The following PACRG variants were observed in gnomAD, a reference collection of about 807,000 sequenced individuals.
PACRG encodes the protein parkin coregulated, also known as parkin coregulated gene protein.
In PACRG, 29 loss-of-function variants were observed where a neutral mutation model predicts 29.7. The observed-to-expected ratio is 0.98, with a 90% CI of 0.73 to 1.33. PACRG has a LOEUF of 1.33. PACRG is among the 40% of genes most tolerant of loss of function. PACRG has a pLI of 0.00. For synonymous variants in PACRG, 116 were observed against 118.7 expected (o/e 0.98, Z 0.15); for missense variants, 279 against 316.2 (o/e 0.88, Z 0.89).
At chr6:163,202,769 C>T (rs1780759423) in intron 4 of PACRG, among the ~76,000 whole-genome samples, 1 of 152,182 alleles carries the variant, frequency 6.6e-6, no homozygotes, top group African/African-American at 2.4e-5. Flanking sequence ...GCCTAAATCT[C>T]ATGAATAACT....
At chr6:163,051,831 G>A (rs755195776) in intron 2 of PACRG, 1 of 152,148 alleles carries the variant, frequency 6.6e-6, no homozygotes, top group Non-Finnish European at 1.5e-5. Context: ...GATTTCCTGA[G>A]CTCAGCTTTG....
chr6:162,862,365 C>T (rs911996231), intron 2 of PACRG, among the ~76,000 whole-genome samples: 1 of 152,170 alleles, frequency 6.6e-6, no homozygotes, highest in Non-Finnish European at 1.5e-5. Flanking sequence ...CCTGTATACT[C>T]TGTGGTGGGG....
chr6:163,140,185 A>G, intron 4 of PACRG, among the ~76,000 whole-genome samples: 1 of 152,232 alleles, frequency 6.6e-6, no homozygotes. Flanking sequence ...ATGATGGATA[A>G]ACCATTGCGA....
chr6:163,260,607 C>T (rs969250196), intron 4 of PACRG, among the ~76,000 whole-genome samples: 4 of 152,146 alleles, frequency 2.6e-5, no homozygotes, highest in Non-Finnish European at 5.9e-5. Context: ...TCTTCTGAGG[C>T]TGGGAGTGGG....
chr6:163,003,356 C>G (rs1335277200), intron 2 of PACRG, among the ~76,000 whole-genome samples: 1 of 152,146 alleles, frequency 6.6e-6, no homozygotes, highest in Non-Finnish European at 1.5e-5. Context: ...ACTTTACTTG[C>G]ATAATTCCTG....
intron 4 of PACRG, among the ~76,000 whole-genome samples, chr6:163,172,791 A>T (rs1001210032): frequency 2.6e-5 from 4 of 152,238 alleles, no homozygotes; most frequent in African/African-American, 9.6e-5. Context: ...TTAAAATATT[A>T]AAAAACTTGA....
intron 2 of PACRG, among the ~76,000 whole-genome samples, chr6:162,906,015 A>T (rs1795907523): frequency 6.6e-6 from 1 of 152,148 alleles, no homozygotes; most frequent in South Asian, 2.1e-4. Context: ...CGAAGTTAGA[A>T]TTTGTTAAGA....
chr6:162,905,937 G>A (rs1227993305), intron 2 of PACRG, among the ~76,000 whole-genome samples: 3 of 152,132 alleles, frequency 2.0e-5, no homozygotes, highest in Non-Finnish European at 2.9e-5. Context: ...CCCTAACCAC[G>A]AGGACTATAG....
chr6:162,859,394 C>A (rs1452430821), intron 2 of PACRG, among the ~76,000 whole-genome samples: 11 of 152,076 alleles, frequency 7.2e-5, no homozygotes, highest in Non-Finnish European at 1.3e-4. Flanking sequence ...ATACATGAAC[C>A]CAAAGGAACT....
chr6:162,769,575 A>G (rs929561595), intron 1 of PACRG, among the ~76,000 whole-genome samples: 1 of 152,044 alleles, frequency 6.6e-6, no homozygotes, highest in Non-Finnish European at 1.5e-5. Flanking sequence ...ATATGCCATG[A>G]TGATCCAGAG....
At position 163,207,956 on chromosome 6, in the gene PACRG, A is replaced by G. The variant is rs139449063; in HGVS notation, c.614-106871A>G. Among the ~76,000 whole-genome samples the G allele has an allele frequency of 1.6e-4, 25 of 152,348 alleles. No individual in the cohort carries two copies. In the East Asian group the frequency reaches 4.8e-3, roughly 29 times the overall value. ...GGATACCATATGGATGTCGCTGAGA[A>G]GGAGTGGGGACTTGGGCAGCAAAGC... On this transcript the variant is annotated intron_variant, in intron 4 of 4. Coordinates refer to ENST00000366888, the MANE Select transcript of PACRG (RefSeq NM_001080379.2).
chr6:162,880,041 G>A (rs2128011615), intron 2 of PACRG, among the ~76,000 whole-genome samples: 1 of 152,300 alleles, frequency 6.6e-6, no homozygotes, highest in East Asian at 1.9e-4. Flanking sequence ...GAACCAGAGA[G>A]AGGCTGAGCA....
intron 3 of PACRG, among the ~76,000 whole-genome samples, chr6:163,069,069 C>T (rs1174917299): frequency 3.3e-5 from 5 of 152,008 alleles, no homozygotes; most frequent in Non-Finnish European, 7.4e-5. Context: ...CAAGGCAGTA[C>T]CTCTATGACT....
rs540631645 is a variant in PACRG, at chr6:162,816,604, A to C, written c.291+2323A>C. On this transcript the variant is annotated intron_variant, in intron 2 of 4. Coordinates refer to ENST00000366888, the MANE Select transcript of PACRG (RefSeq NM_001080379.2). Reference sequence around the variant, plus strand: ...CCTGACCTCGTGATCCGCCTGTCTCAGCTTCCCAAAGTGCTGGGATTACAG... The same window carrying C: ...CCTGACCTCGTGATCCGCCTGTCTCCGCTTCCCAAAGTGCTGGGATTACAG... Among the ~76,000 whole-genome samples, 7 of 152,242 alleles carry C rather than the reference A, an allele frequency of 4.6e-5. 1 individual carries two copies. The South Asian group carries it at 1.2e-3, about 27-fold the overall frequency.
At chr6:162,771,095 GA>G in intron 1 of PACRG, among the ~76,000 whole-genome samples, 1 of 152,176 alleles carries the variant, frequency 6.6e-6, no homozygotes, top group African/African-American at 2.4e-5. Flanking sequence ...TACAAACTCT[GA>G]AAGTAAGATT....
chr6:162,860,358 TAAAATA>T (rs1791762403), intron 2 of PACRG, among the ~76,000 whole-genome samples: 1 of 152,140 alleles, frequency 6.6e-6, no homozygotes, highest in Non-Finnish European at 1.5e-5. Context: ...TGAAGACAGA[TAAAATA>T]AAAATGGTAC....
At chr6:163,271,136 G>A (rs569017767) in intron 4 of PACRG, among the ~76,000 whole-genome samples, 2 of 152,244 alleles carry the variant, frequency 1.3e-5, no homozygotes, top group South Asian at 4.1e-4. Flanking sequence ...TGATGTTCTA[G>A]GGCAGGAAGC....
chr6:162,814,082 CT>C (rs778341493), intron 1 of PACRG, 64 bp from the exon 2 acceptor site: 352 of 1,473,510 alleles, frequency 2.4e-4, no homozygotes, highest in Non-Finnish European at 3.1e-4. Flanking sequence ...ACAGAAAGTT[CT>C]TTTATTATGA....
intron 2 of PACRG, among the ~76,000 whole-genome samples, chr6:162,959,938 C>T (rs9356084): frequency 0.71 from 108,133 of 152,112 alleles, 38,966 homozygotes; most frequent in African/African-American, 0.83. Flanking sequence ...CATTAAAAAG[C>T]GGGCAAAGGA....
Sources: gnomAD v4.1 joint callset for allele counts (sites outside exome capture counted in the v4.1 genomes callset) on GRCh38, gnomAD v4.1.1 for gene constraint, MANE v1.5 for transcripts, NCBI Gene and HGNC (gene_info 2026-07-23, HGNC 2026-07-21) for gene names.